The following ZSWIM9 variants were observed in gnomAD, a reference collection of about 807,000 sequenced individuals.
The protein encoded by ZSWIM9 is zinc finger SWIM-type containing 9.
Under a neutral mutation model 25.0 loss-of-function variants are expected in ZSWIM9, and 11 were observed. The observed-to-expected ratio is 0.44, with a 90% CI of 0.28 to 0.73. ZSWIM9 has a LOEUF of 0.73. Ranked by LOEUF, ZSWIM9 falls within the 30% of genes least tolerant of loss-of-function variation. ZSWIM9 has a pLI of 0.16. For missense variants in ZSWIM9, 1,070 were observed against 1,296.5 expected, an observed-to-expected ratio of 0.83 and a Z score of 2.68; for synonymous variants, 562 against 582.1, an observed-to-expected ratio of 0.97 and a Z score of 0.50.
At chr19:48,176,993 T>A (rs2036900231) in intron 2 of ZSWIM9, among the ~76,000 whole-genome samples, 1 of 151,858 alleles carries the variant, frequency 6.6e-6, no homozygotes, top group African/African-American at 2.4e-5. Flanking sequence ...GAGAATTGCT[T>A]GATCCTGGGA....
At position 48,196,231 on chromosome 19, in the gene ZSWIM9, A is replaced by G; in HGVS notation, c.2167A>G (p.Thr723Ala). ...EDIVLVQLGD[T>A]RVTGMENGDG... Reference sequence around the variant, plus strand: ...TATAGTTCTGGTCCAGCTGGGAGACACGAGGGTCACAGGCATGGAGAATGG... The same window carrying G: ...TATAGTTCTGGTCCAGCTGGGAGACGCGAGGGTCACAGGCATGGAGAATGG... Residue 723 changes from threonine to alanine, a missense_variant, in exon 4 of 4, where the codon ACG becomes GCG. Physicochemically the swap from Thr to Ala is moderately conservative, Grantham distance 58. Transcript: ENST00000614654. 8.1e-7 allele frequency: 1 copy of G among 1,233,226 alleles called. No homozygotes were observed. The allele number at this position is 1,233,226 out of a possible 1,614,324, so 76.4% of individuals were successfully genotyped here.
rs1347764384 is a variant in ZSWIM9 at position 48,182,643 on chromosome 19, C to G, written c.464C>G (p.Ser155Cys). 6.5e-7 allele frequency: 1 copy of G among 1,535,706 alleles called. No homozygotes were observed. The highest frequency in any genetic ancestry group is 8.7e-7 in the Non-Finnish European group (1 of 1,146,674). ...CCGGTGCGCACCACCAACAAGATCT[C>G]CAAGCAGTTCGTGGCCCCAGCCGAC... is the stretch of plus-strand genomic sequence containing the variant. The part of the protein sequence containing the change: ...CLPVRTTNKI[S>C]KQFVAPADVR... The change falls in exon 3 of 4, where the codon TCC (serine) becomes TGC (cysteine). Residue 155 changes from serine to cysteine, a missense_variant. By Grantham distance (112) the Ser-to-Cys change is moderately radical. Around this residue, in one of 4 missense-constraint regions of ZSWIM9, gnomAD observed 265 missense variants for 339.0 expected, o/e 0.78. Transcript: ENST00000614654. The surrounding 1 kb of genome is among the most constrained non-coding windows in gnomAD (Gnocchi z 4.6).
At position 48,196,743 on chromosome 19, in the gene ZSWIM9, C is replaced by A; in HGVS notation, c.2679C>A (p.Leu893=). 1 of 1,233,564 alleles carries A rather than the reference C, an allele frequency of 8.1e-7. No individual in the cohort carries two copies. The highest frequency in any genetic ancestry group is 1.0e-6 in the Non-Finnish European group (1 of 988,968). The allele number at this position is 1,233,564 out of a possible 1,614,324, so 76.4% of individuals were successfully genotyped here. A position where few individuals can be genotyped will look rare whatever the true frequency, so the allele number is the denominator to read the frequency against. ...HAARRLPCRH[L]FAARLLTGAA... is the part of the protein sequence containing the mutation. ...CCCGCCGTCTGCCCTGCAGACACCT[C>A]TTTGCAGCGCGCCTCCTCACTGGGG... Residue 893 remains leucine, a synonymous_variant, in exon 4 of 4, where the codon CTC becomes CTA. Coordinates refer to ENST00000614654, the MANE Select transcript of ZSWIM9 (RefSeq NM_199341.4).
At position 48,171,957 on chromosome 19, in the gene ZSWIM9, A is replaced by T; in HGVS notation, c.155A>T (p.His52Leu). The T allele has an allele frequency of 6.5e-7, 1 of 1,535,806 alleles. No homozygotes were observed. The highest frequency in any genetic ancestry group is 1.4e-5 in the African/African-American group (1 of 73,166). ...LALFFVKSSM[H>L]LARCRWASAP... The stretch of plus-strand genomic sequence containing the variant: ...CTCTTCTTCGTCAAGAGCTCCATGC[A>T]CCTGGCGCGCTGCCGCTGGGCCAGT... Residue 52 changes from histidine to leucine, a missense_variant, in exon 2 of 4, where the codon CAC becomes CTC. Physicochemically the swap from His to Leu is moderately conservative, Grantham distance 99. Around this residue, in one of 4 missense-constraint regions of ZSWIM9, gnomAD observed 265 missense variants for 339.0 expected, o/e 0.78. Coordinates refer to ENST00000614654, the MANE Select transcript of ZSWIM9 (RefSeq NM_199341.4).
At chr19:48,172,176 GA>G in intron 2 of ZSWIM9, 99 bp downstream of exon 2, 4 of 1,239,274 alleles carry the variant, frequency 3.2e-6, no homozygotes, top group Non-Finnish European at 4.4e-6. Context: ...CAGAGATGCA[GA>G]GGGGGAGAGG....
intron 3 of ZSWIM9, chr19:48,189,303 G>C (rs1311838613): frequency 6.6e-6 from 1 of 152,066 alleles, no homozygotes; most frequent in Non-Finnish European, 1.5e-5. Context: ...TTACTACACA[G>C]CACTAAAAAA....
In ZSWIM9 at chr19:48,195,606, G is replaced by T; in HGVS notation, c.1542G>T (p.Lys514Asn). The T allele has an allele frequency of 8.4e-6, 12 of 1,422,654 alleles. No individual in the cohort carries two copies. The highest frequency in any genetic ancestry group is 1.1e-5 in the Non-Finnish European group (12 of 1,094,010). 88.1% of individuals were successfully genotyped at this position (1,422,654 alleles called of 1,614,324 possible). The change falls in exon 4 of 4, where the codon AAG becomes AAT. Residue 514 changes from lysine (K) to asparagine (N), a missense_variant. Physicochemically the swap from Lys to Asn is moderately conservative, Grantham distance 94 (BLOSUM62 0). Around this residue, in one of 4 missense-constraint regions of ZSWIM9, gnomAD observed 583 missense variants for 624.7 expected, o/e 0.93. Transcript: ENST00000614654. This position sits in a 1 kb window ranked among gnomAD's most constrained non-coding sequence, Gnocchi z 5.8. ...GCGGGGCTCAGTTCGAAGGTGAGAAGGGGAGGGCACTGCAGATCAGAGATT... is the reference window on the plus strand; with the variant it reads ...GCGGGGCTCAGTTCGAAGGTGAGAATGGGAGGGCACTGCAGATCAGAGATT... ...DWGGAQFEGEKGRALQIRDWR... is the reference protein window; with the variant it reads ...DWGGAQFEGENGRALQIRDWR...
At chr19:48,189,241 G>T (rs2037065908) in intron 3 of ZSWIM9, among the ~76,000 whole-genome samples, 1 of 152,160 alleles carries the variant, frequency 6.6e-6, no homozygotes. Context: ...AAACAACCCA[G>T]ACTCCACCAA....
At chr19:48,192,739 G>A (rs1473315179) in intron 3 of ZSWIM9, among the ~76,000 whole-genome samples, 1 of 151,584 alleles carries the variant, frequency 6.6e-6, no homozygotes, top group Non-Finnish European at 1.5e-5. Flanking sequence ...TTCACTAGAA[G>A]GAATCACAGA....
At chr19:48,188,035 C>G (rs1236722865) in intron 3 of ZSWIM9, among the ~76,000 whole-genome samples, 1 of 150,992 alleles carries the variant, frequency 6.6e-6, no homozygotes, top group Non-Finnish European at 1.5e-5. Flanking sequence ...CTAGGTCAAG[C>G]AACAATCAGT....
chr19:48,182,944 C>A lies in ZSWIM9; in HGVS notation c.588+177C>A. On this transcript the variant is annotated intron_variant, in intron 3 of 3. Transcript: ENST00000614654. The surrounding 1 kb of genome is among the most constrained non-coding windows in gnomAD (Gnocchi z 4.6). Reference sequence around the variant, plus strand: ...ATTGGGGATGCAGCAGCAAACCAGACCCACGTGGTCTCTGTCCGCAGAGAG... The same window carrying A: ...ATTGGGGATGCAGCAGCAAACCAGAACCACGTGGTCTCTGTCCGCAGAGAG... 1 of 607,798 alleles carries A rather than the reference C, an allele frequency of 1.6e-6. No individual in the cohort carries two copies. The highest frequency in any genetic ancestry group is 2.9e-6 in the Non-Finnish European group (1 of 345,302). The allele number at this position is 607,798 out of a possible 1,614,324, so 37.7% of individuals were successfully genotyped here. A position where few individuals can be genotyped will look rare whatever the true frequency, so the allele number is the denominator to read the frequency against.
chr19:48,188,451 T>C (rs2037056538), intron 3 of ZSWIM9, among the ~76,000 whole-genome samples: 1 of 151,912 alleles, frequency 6.6e-6, no homozygotes. Flanking sequence ...ATGGTCTCGA[T>C]CTCCTGGCCT....
chr19:48,192,840 A>G (rs1384977736), intron 3 of ZSWIM9, among the ~76,000 whole-genome samples: 1 of 152,006 alleles, frequency 6.6e-6, no homozygotes, highest in African/African-American at 2.4e-5. Flanking sequence ...ACACAAGGCG[A>G]CCCCATCAGT....
At chr19:48,191,696 C>T (rs1044641677) in intron 3 of ZSWIM9, among the ~76,000 whole-genome samples, 12 of 152,156 alleles carry the variant, frequency 7.9e-5, no homozygotes, top group East Asian at 5.8e-4. Context: ...GATGCTTCCC[C>T]GTGCTACCAA....
Position 48,196,304 on chromosome 19 carries a change from G to A in ZSWIM9, c.2240G>A (p.Arg747Gln). ...GTGGGCCCCAAGAGCCGAGCCGGAC[G>A]AGGGATGGAGTGGGGAGACGCAGGA... ...RSVGPKSRAG[R>Q]GMEWGDAGGR... is the part of the protein sequence containing the mutation. Residue 747 changes from arginine (R) to glutamine (Q), a missense_variant, in exon 4 of 4, where the codon CGA becomes CAA. This residue lies in a region of ZSWIM9 where 583 missense variants were observed against 624.7 expected (regional missense o/e 0.93). Transcript: ENST00000614654. The A allele has an allele frequency of 2.4e-6, 3 of 1,233,732 alleles. No individual in the cohort carries two copies. Among genetic ancestry groups the A allele is most frequent in the South Asian group, 8.2e-5 (2 of 24,432 alleles). The allele number at this position is 1,233,732 out of a possible 1,614,324, so 76.4% of individuals were successfully genotyped here.
intron 2 of ZSWIM9, among the ~76,000 whole-genome samples, chr19:48,173,796 C>T (rs562914122): frequency 1.1e-4 from 17 of 151,324 alleles, no homozygotes; most frequent in Non-Finnish European, 1.9e-4. Flanking sequence ...GCCACCATGC[C>T]CAGCTAATTT....
chr19:48,195,685 T>C lies in ZSWIM9; in HGVS notation c.1621T>C (p.Leu541=), dbSNP rs1235427639. 1 of 1,452,224 alleles carries C rather than the reference T, an allele frequency of 6.9e-7. No homozygotes were observed. The highest frequency in any genetic ancestry group is 2.6e-5 in the East Asian group (1 of 37,908). 90.0% of individuals were successfully genotyped at this position (1,452,224 alleles called of 1,614,324 possible). A position where few individuals can be genotyped will look rare whatever the true frequency, so the allele number is the denominator to read the frequency against. ...GCCGAGGGGACTGGAAGGGGGTGTCTTGAGAGGGTCGAAGTTAGAGAAAGG... is the reference window on the plus strand; with the variant it reads ...GCCGAGGGGACTGGAAGGGGGTGTCCTGAGAGGGTCGAAGTTAGAGAAAGG... ...QKPRGLEGGV[L]RGSKLEKGHL... Residue 541 remains leucine, a synonymous_variant, in exon 4 of 4, where the codon TTG becomes CTG. Coordinates refer to ENST00000614654, the MANE Select transcript of ZSWIM9 (RefSeq NM_199341.4). This position sits in a 1 kb window ranked among gnomAD's most constrained non-coding sequence, Gnocchi z 5.8.
chr19:48,190,837 A>G (rs1163606151), intron 3 of ZSWIM9, among the ~76,000 whole-genome samples: 1 of 152,194 alleles, frequency 6.6e-6, no homozygotes, highest in Non-Finnish European at 1.5e-5. Context: ...TCTATGCCGT[A>G]TAGCCTGTTT....
At chr19:48,187,939 AATAGATAG>A (rs58658973) in intron 3 of ZSWIM9, among the ~76,000 whole-genome samples, 1,561 of 140,264 alleles carry the variant, frequency 0.011, 19 homozygotes, top group African/African-American at 0.022. Context: ...AGACCCTTTA[AATAGATAG>A]ATAGATAGAT....
Sources: allele counts gnomAD v4.1 joint callset (sites outside exome capture counted in the v4.1 genomes callset), GRCh38; gene constraint gnomAD v4.1.1; regional missense constraint gnomAD v4.1.1; non-coding constraint Gnocchi (gnomAD v3.1); transcripts MANE v1.5; gene names NCBI Gene and HGNC (gene_info 2026-07-23, HGNC 2026-07-21).